SLC9A7: variants seen among roughly 807,000 people sequenced by gnomAD.
SLC9A7 encodes the protein solute carrier family 9 member A7, also known as sodium/hydrogen exchanger 7.
In SLC9A7, 19 loss-of-function variants were observed where a neutral mutation model predicts 52.6. That is an observed-to-expected ratio of 0.36 (90% confidence interval 0.25 to 0.53). The LOEUF is 0.53. Among genes scored for constraint, SLC9A7 ranks in the 20% least tolerant of loss-of-function variants. The pLI, the probability that SLC9A7 is intolerant of heterozygous loss-of-function variation, is 0.91. For missense variants in SLC9A7, 455 were observed against 597.9 expected (o/e 0.76, Z 2.49); for synonymous variants, 226 against 252.1 (o/e 0.90, Z 0.98).
intron 8 of SLC9A7, 31 bp downstream of exon 8, chrX:46,653,578 G>T (rs190930062): frequency 6.4e-4 from 679 of 1,057,375 alleles, no homozygotes; most frequent in Non-Finnish European, 8.0e-4. Context: ...ACAGTGAGGG[G>T]AAGGGTGGTC....
intron 1 of SLC9A7, among the ~76,000 whole-genome samples, chrX:46,746,395 T>C (rs1406449683): frequency 2.8e-5 from 3 of 109,035 alleles, no homozygotes; most frequent in Non-Finnish European, 5.7e-5. Flanking sequence ...AAACTATCCA[T>C]CCAACAAGAG....
chrX:46,620,953 A>T, intron 15 of SLC9A7, 24 bp downstream of exon 15: 1 of 1,089,687 alleles, frequency 9.2e-7, no homozygotes, highest in Non-Finnish European at 1.3e-6. Flanking sequence ...TCACCGACAC[A>T]GGGGATGCTA....
intron 1 of SLC9A7, among the ~76,000 whole-genome samples, chrX:46,682,880 G>A (rs1428423443): frequency 9.3e-6 from 1 of 107,789 alleles, no homozygotes; most frequent in African/African-American, 3.4e-5. Context: ...TGCAACCTCC[G>A]CTTCCCAGGT....
chrX:46,739,379 T>A (rs1192265096), intron 1 of SLC9A7, among the ~76,000 whole-genome samples: 1 of 111,477 alleles, frequency 9.0e-6, no homozygotes, highest in Non-Finnish European at 1.9e-5. Flanking sequence ...ATGCTAGTCT[T>A]GGCCCTTGGA....
intron 1 of SLC9A7, among the ~76,000 whole-genome samples, chrX:46,684,257 T>A (rs919547957): frequency 8.9e-6 from 1 of 112,133 alleles, no homozygotes; most frequent in African/African-American, 3.2e-5. Flanking sequence ...CAGGCTGGAG[T>A]GCAGTGGTGC....
At chrX:46,724,782 C>T (rs867176834) in intron 1 of SLC9A7, among the ~76,000 whole-genome samples, 21 of 111,708 alleles carry the variant, frequency 1.9e-4, no homozygotes, top group African/African-American at 6.8e-4. Flanking sequence ...CCAATAATCT[C>T]ATCTTTGTCT....
At chrX:46,611,093 G>A (rs1942840437) in intron 16 of SLC9A7, among the ~76,000 whole-genome samples, 1 of 111,261 alleles carries the variant, frequency 9.0e-6, no homozygotes, top group Admixed American at 9.6e-5. Flanking sequence ...TGGAAATGCC[G>A]TCAGCACCCT....
chrX:46,669,123 G>A (rs979131298), intron 5 of SLC9A7, among the ~76,000 whole-genome samples: 8 of 104,982 alleles, frequency 7.6e-5, no homozygotes, highest in Admixed American at 2.1e-4. Flanking sequence ...AGCCGAGATC[G>A]TGTCACTGCA....
Position 46,659,257 on chromosome X carries a change from G to A in SLC9A7, c.1041+2759C>T, listed in dbSNP as rs1173747748. ...AACAGCTATCTATGACAAACCCACA[G>A]GCAATATCATACTGAATGGGCAAAA... is the stretch of plus-strand genomic sequence containing the variant. On this transcript the variant is annotated intron_variant, in intron 7 of 16. Coordinates refer to ENST00000616978, the MANE Select transcript of SLC9A7 (RefSeq NM_001257291.2). Among the ~76,000 whole-genome samples the A allele has an allele frequency of 4.6e-5, 5 of 109,170 alleles. No individual in the cohort carries two copies. In the East Asian group the frequency reaches 1.4e-3, roughly 31 times the overall value. The allele number at this position is 109,170 out of a possible 115,157, so 94.8% of individuals were successfully genotyped here.
intron 15 of SLC9A7, among the ~76,000 whole-genome samples, chrX:46,616,314 C>CAA (rs34547861): frequency 1.4e-5 from 1 of 71,764 alleles, no homozygotes; most frequent in Non-Finnish European, 2.7e-5. Flanking sequence ...GACCCTGTCT[C>CAA]AAAAAAAAAA....
intron 14 of SLC9A7, among the ~76,000 whole-genome samples, chrX:46,622,180 A>G (rs753391905): frequency 8.9e-6 from 1 of 112,034 alleles, no homozygotes; most frequent in Non-Finnish European, 1.9e-5. Flanking sequence ...AGTGATGGAT[A>G]TGGAAATGGC....
intron 1 of SLC9A7, among the ~76,000 whole-genome samples, chrX:46,752,302 C>T (rs782750466): frequency 9.0e-6 from 1 of 111,639 alleles, no homozygotes; most frequent in Non-Finnish European, 1.9e-5. Context: ...AATAGTAATT[C>T]TTTAATATCA....
chrX:46,728,094 C>G (rs1014482039), intron 1 of SLC9A7, among the ~76,000 whole-genome samples: 5 of 111,353 alleles, frequency 4.5e-5, no homozygotes, highest in African/African-American at 1.6e-4. Context: ...AAATAGTTAA[C>G]CTATTAAGAA....
intron 14 of SLC9A7, among the ~76,000 whole-genome samples, chrX:46,630,934 G>T (rs1348823229): frequency 3.6e-5 from 4 of 112,470 alleles, no homozygotes; most frequent in African/African-American, 1.3e-4. Flanking sequence ...CAGCCACCAT[G>T]CTGGCAGGCA....
intron 1 of SLC9A7, among the ~76,000 whole-genome samples, chrX:46,723,298 C>CAAAAAAA (rs764219707): frequency 5.4e-5 from 1 of 18,670 alleles, no homozygotes; most frequent in Non-Finnish European, 1.1e-4. Flanking sequence ...AAGATTTCTA[C>CAAAAAAA]AAAAAAAAAA....
At chrX:46,612,924 CAAAAAAAAAAAAAAAAAAAAAAAAA>C (rs57833520) in intron 16 of SLC9A7, among the ~76,000 whole-genome samples, 11 of 32,489 alleles carry the variant, frequency 3.4e-4, no homozygotes, top group East Asian at 2.4e-3. Context: ...GACTCCGTCT[CAAAAAAAAAAAAAAAAAAAAAAAAA>C]AAAAAAAAAA....
At chrX:46,752,454 T>C (rs1308043864) in intron 1 of SLC9A7, among the ~76,000 whole-genome samples, 2 of 111,723 alleles carry the variant, frequency 1.8e-5, no homozygotes, top group Non-Finnish European at 3.8e-5. Context: ...ACACTCACCC[T>C]GCCTTTTTGT....
At position 46,723,933 on chromosome X, in the gene SLC9A7, C is replaced by CA. The variant is rs769950555; in HGVS notation, c.325+34771dup. 1.3e-3 allele frequency among the ~76,000 whole-genome samples: 139 copies of CA among 103,270 alleles called. No individual in the cohort carries two copies. The South Asian group carries it at 0.018, about 13-fold the overall frequency. The allele number at this position is 103,270 out of a possible 115,157, so 89.7% of individuals were successfully genotyped here. ...TGAAACCTCATCTCTACTAAAAGTACAAAAAAAAAAATAGCTGGGCGTGAT... is the reference window on the plus strand; with the variant it reads ...TGAAACCTCATCTCTACTAAAAGTACAAAAAAAAAAAATAGCTGGGCGTGAT... On this transcript the variant is annotated intron_variant, in intron 1 of 16. Coordinates refer to ENST00000616978, the MANE Select transcript of SLC9A7 (RefSeq NM_001257291.2).
At chrX:46,669,180 A>C (rs1439900830) in intron 5 of SLC9A7, among the ~76,000 whole-genome samples, 1 of 109,980 alleles carries the variant, frequency 9.1e-6, no homozygotes, top group African/African-American at 3.3e-5. Flanking sequence ...AAAAAAAAAA[A>C]AAGGAATTGT....
Sources: gnomAD v4.1 joint callset for allele counts (sites outside exome capture counted in the v4.1 genomes callset) on GRCh38, gnomAD v4.1.1 for gene constraint, MANE v1.5 for transcripts, NCBI Gene and HGNC (gene_info 2026-07-23, HGNC 2026-07-21) for gene names.